The following NCOA3 variants were observed in gnomAD, a reference collection of about 807,000 sequenced individuals.
The protein encoded by NCOA3 is CBP-interacting protein.
A neutral mutation model predicts 158.8 loss-of-function variants in NCOA3; 51 were observed. That is an observed-to-expected ratio of 0.32 (90% CI 0.26 to 0.41). The LOEUF (loss-of-function observed/expected upper bound fraction) is 0.41. Among genes scored for constraint, NCOA3 ranks in the 10% least tolerant of loss-of-function variants. The probability of loss-of-function intolerance (pLI) is 1.00; values close to 1 mark genes in which losing one functional copy is unlikely to be tolerated. For synonymous variants in NCOA3, 537 were observed against 592.4 expected, an observed-to-expected ratio of 0.91 and a Z score of 1.36; for missense variants, 1,510 against 1,746.6, an observed-to-expected ratio of 0.86 and a Z score of 2.41.
chr20:47,552,424 A>G (rs924465221), intron 1 of NCOA3, among the ~76,000 whole-genome samples: 12 of 152,206 alleles, frequency 7.9e-5, no homozygotes, highest in African/African-American at 2.7e-4. Flanking sequence ...GCTTTTTGAT[A>G]TGAGGCAAGA....
chr20:47,653,751 C>A lies in NCOA3; in HGVS notation c.*334C>A, dbSNP rs1051955117. 1 of 351,548 alleles carries A rather than the reference C, an allele frequency of 2.8e-6. No individual in the cohort carries two copies. Among genetic ancestry groups the A allele is most frequent in the Non-Finnish European group, 5.1e-6 (1 of 195,350 alleles). The allele number at this position is 351,548 out of a possible 1,614,324, so 21.8% of individuals were successfully genotyped here. The stretch of plus-strand genomic sequence containing the variant: ...TGTCACTTTTTTCTGCCTTGCTAGC[C>A]AAAATCTCTTAAATACACGTAGGTG... On this transcript the variant is annotated 3_prime_UTR_variant, in exon 23 of 23. Transcript: ENST00000371998.
chr20:47,537,100 C>T (rs940029835), intron 1 of NCOA3, among the ~76,000 whole-genome samples: 1 of 151,926 alleles, frequency 6.6e-6, no homozygotes, highest in African/African-American at 2.4e-5. Context: ...TGAGCCACCG[C>T]GCCCGGCCTG....
intron 1 of NCOA3, among the ~76,000 whole-genome samples, chr20:47,573,265 C>T (rs1016742524): frequency 3.9e-5 from 6 of 152,046 alleles, no homozygotes; most frequent in Non-Finnish European, 7.4e-5. Context: ...TGCTGGCAGG[C>T]GCCTATAACC....
intron 2 of NCOA3, among the ~76,000 whole-genome samples, chr20:47,609,481 A>G: frequency 6.6e-6 from 1 of 152,208 alleles, no homozygotes; most frequent in Admixed American, 6.5e-5. Context: ...AGTACAGAAA[A>G]AAAGTTCTTT....
intron 1 of NCOA3, among the ~76,000 whole-genome samples, chr20:47,543,873 A>ACCC (rs2084784053): frequency 6.6e-6 from 1 of 152,176 alleles, no homozygotes; most frequent in East Asian, 1.9e-4. Context: ...CATAGGAAAG[A>ACCC]TGTGATATAT....
At chr20:47,565,167 G>T (rs1416226873) in intron 1 of NCOA3, among the ~76,000 whole-genome samples, 4 of 152,144 alleles carry the variant, frequency 2.6e-5, no homozygotes, top group African/African-American at 9.7e-5. Flanking sequence ...TTTTAGTAGA[G>T]ACGAGGTTTC....
chr20:47,574,451 GA>G (rs11475554), intron 1 of NCOA3, among the ~76,000 whole-genome samples: 2,549 of 151,518 alleles, frequency 0.017, 74 homozygotes, highest in African/African-American at 0.059. Flanking sequence ...ATTATTCAGG[GA>G]GGTGGTTTTT....
At position 47,542,009 on chromosome 20, in the gene NCOA3, G is replaced by GTTTTTTTGCTTTTTT. The variant is rs71183262; in HGVS notation, c.-99+39997_-99+39998insGCTTTTTTTTTTTTT. Among the ~76,000 whole-genome samples, 135 of 56,332 alleles carry GTTTTTTTGCTTTTTT rather than the reference G, an allele frequency of 2.4e-3. 3 individuals carry two copies. The highest frequency in any genetic ancestry group is 9.4e-3 in the African/African-American group (126 of 13,462). 37.0% of individuals were successfully genotyped at this position (56,332 alleles called of 152,430 possible). ...ATCAAATTATTTTTTGCCCTGTAGA[G>GTTTTTTTGCTTTTTT]TTTTTTTTTTTTTTTTTTTTTGTTG... On this transcript the variant is annotated intron_variant, in intron 1 of 22. Coordinates refer to ENST00000371998, the MANE Select transcript of NCOA3 (RefSeq NM_181659.3).
chr20:47,542,016 T>TG (rs1555802244), intron 1 of NCOA3, among the ~76,000 whole-genome samples: 31 of 113,016 alleles, frequency 2.7e-4, no homozygotes, highest in East Asian at 4.6e-4. Flanking sequence ...AGAGTTTTTT[T>TG]TTTTTTTTTT....
chr20:47,598,111 G>A (rs1367381086), intron 2 of NCOA3, among the ~76,000 whole-genome samples: 2 of 150,984 alleles, frequency 1.3e-5, no homozygotes, highest in African/African-American at 2.4e-5. Context: ...GCCAGGCGTG[G>A]TGGCGGGCGC....
intron 1 of NCOA3, among the ~76,000 whole-genome samples, chr20:47,566,796 C>T (rs1353284636): frequency 6.6e-6 from 1 of 152,080 alleles, no homozygotes; most frequent in Non-Finnish European, 1.5e-5. Flanking sequence ...AGGCATGAGC[C>T]ACTGCGCCTA....
chr20:47,619,334 A>T lies in NCOA3; in HGVS notation c.-19-2895A>T, dbSNP rs751103657. ...GGAAATAATATCTAGAATGTGGAAT[A>T]AATTACATATTTAAAATAAAGAAAT... On this transcript the variant is annotated intron_variant, in intron 2 of 22. Coordinates refer to ENST00000371998, the MANE Select transcript of NCOA3 (RefSeq NM_181659.3). Among the ~76,000 whole-genome samples, 5 of 152,296 alleles carry T rather than the reference A, an allele frequency of 3.3e-5. No individual in the cohort carries two copies. In the South Asian group the frequency reaches 8.3e-4, roughly 25 times the overall value.
intron 1 of NCOA3, among the ~76,000 whole-genome samples, chr20:47,564,593 A>AT (rs1260585135): frequency 7.1e-6 from 1 of 141,086 alleles, no homozygotes; most frequent in East Asian, 2.0e-4. Context: ...TCCTTGTTAT[A>AT]TTTTTCATCT....
Position 47,636,359 on chromosome 20 carries a change from GAGTCTCCTCCTCT to G in NCOA3, c.1975_1987del (p.Val659HisfsTer36). The G allele has an allele frequency of 6.2e-7, 1 of 1,614,144 alleles. No individual in the cohort carries two copies. ...TCTGTTAGTGTCACCAGCCCCTCTG[GAGTCTCCTCCTCT>G]ACATCTGGAGGAGTATCCTCTACAT... On this transcript the variant is annotated frameshift_variant, in exon 12 of 23. Transcript: ENST00000371998. LOFTEE classifies it high-confidence loss of function.
intron 1 of NCOA3, among the ~76,000 whole-genome samples, chr20:47,540,391 T>C (rs2146126902): frequency 6.6e-6 from 1 of 152,020 alleles, no homozygotes; most frequent in South Asian, 2.1e-4. Context: ...CTGGCTAACA[T>C]AGTGAAACCC....
intron 1 of NCOA3, among the ~76,000 whole-genome samples, chr20:47,526,977 T>C (rs2084465765): frequency 6.6e-6 from 1 of 152,302 alleles, no homozygotes; most frequent in Non-Finnish European, 1.5e-5. Context: ...ATAAATAGTA[T>C]TGGATTTTAG....
intron 1 of NCOA3, among the ~76,000 whole-genome samples, chr20:47,538,176 G>A (rs1309167057): frequency 6.6e-6 from 1 of 152,086 alleles, no homozygotes; most frequent in Non-Finnish European, 1.5e-5. Context: ...CACCGCGCCT[G>A]GACTAATAGG....
In NCOA3 at chr20:47,651,228, A is replaced by C. The variant is rs765179900; in HGVS notation, c.3898A>C (p.Thr1300Pro). 6.2e-7 allele frequency: 1 copy of C among 1,613,666 alleles called. No homozygotes were observed. Among genetic ancestry groups the C allele is most frequent in the Admixed American group, 1.7e-5 (1 of 60,018 alleles). The change falls in exon 20 of 23, where the codon ACA (threonine) becomes CCA (proline). Residue 1300 changes from threonine to proline, a missense_variant. Physicochemically the swap from Thr to Pro is conservative, Grantham distance 38. This residue lies in a region of NCOA3 where 180 missense variants were observed against 199.3 expected (regional missense o/e 0.90). Transcript: ENST00000371998. ...CATGGATGGGCTTTTGGCAGGACCC[A>C]CAATGCCACAAGCTCCTCCGCAACA... ...PSMDGLLAGP[T>P]MPQAPPQQFP...
chr20:47,520,596 C>T (rs536082767), intron 1 of NCOA3, among the ~76,000 whole-genome samples: 1 of 152,198 alleles, frequency 6.6e-6, no homozygotes, highest in East Asian at 1.9e-4. Flanking sequence ...AAGACTCAAC[C>T]TCTCAAACCA....
Sources: gnomAD v4.1 joint callset for allele counts (sites outside exome capture counted in the v4.1 genomes callset) on GRCh38, gnomAD v4.1.1 for gene constraint, gnomAD v4.1.1 regional missense constraint, MANE v1.5 for transcripts, NCBI Gene and HGNC (gene_info 2026-07-23, HGNC 2026-07-21) for gene names.